SEMA5B: variants seen among roughly 807,000 people sequenced by gnomAD.
The protein encoded by SEMA5B is semaphorin-5B.
In SEMA5B, 66 loss-of-function variants were observed where a neutral mutation model predicts 135.0. The ratio of observed to expected loss-of-function variants is 0.49; its 90% CI spans 0.40 to 0.60. SEMA5B has a LOEUF of 0.60. SEMA5B is among the 20% of genes least tolerant of loss of function. SEMA5B has a pLI of 0.00. For missense variants in SEMA5B, 1,501 were observed against 1,566.3 expected (o/e 0.96, Z 0.70); for synonymous variants, 690 against 639.5 (o/e 1.08, Z -1.19).
At chr3:123,009,793 C>T (rs1004852042) in intron 1 of SEMA5B, among the ~76,000 whole-genome samples, 2 of 152,194 alleles carry the variant, frequency 1.3e-5, no homozygotes, top group African/African-American at 4.8e-5. Flanking sequence ...GAGGGGAAAA[C>T]TGGGATGTCT....
At chr3:122,976,800 A>C (rs1317605225) in intron 1 of SEMA5B, among the ~76,000 whole-genome samples, 1 of 152,210 alleles carries the variant, frequency 6.6e-6, no homozygotes, top group Non-Finnish European at 1.5e-5. Flanking sequence ...CTGTAATTCC[A>C]GCACTTTGGA....
At chr3:122,972,110 A>G (rs1367211128) in intron 1 of SEMA5B, among the ~76,000 whole-genome samples, 1 of 152,190 alleles carries the variant, frequency 6.6e-6, no homozygotes, top group African/African-American at 2.4e-5. Flanking sequence ...TCCAGGTAGG[A>G]AGCTCTGCCA....
At chr3:122,911,161 C>T (rs1937678139) in intron 21 of SEMA5B, 116 bp from the exon 22 acceptor site, 2 of 1,057,990 alleles carry the variant, frequency 1.9e-6, no homozygotes, top group Admixed American at 5.3e-5. Context: ...CTGGAAAGGG[C>T]TCTGAGGCCA....
At chr3:123,020,851 G>A (rs1035826524) in intron 1 of SEMA5B, among the ~76,000 whole-genome samples, 1 of 152,214 alleles carries the variant, frequency 6.6e-6, no homozygotes, top group African/African-American at 2.4e-5. Context: ...GTATACAGAG[G>A]TAGACTTGAG....
intron 12 of SEMA5B, among the ~76,000 whole-genome samples, chr3:122,917,698 G>C (rs554993497): frequency 1.3e-5 from 2 of 152,268 alleles, no homozygotes; most frequent in African/African-American, 4.8e-5. Context: ...ATGGGAGCCC[G>C]GTGAGCACAC....
At chr3:123,027,821 A>G, upstream of SEMA5B, 1 of 152,424 alleles carries the variant, frequency 6.6e-6, no homozygotes, top group Non-Finnish European at 1.5e-5. Flanking sequence ...TTGCAAGCAA[A>G]GGGAGAGAAG....
chr3:123,008,480 G>C (rs990107143), intron 1 of SEMA5B, among the ~76,000 whole-genome samples: 1 of 152,296 alleles, frequency 6.6e-6, no homozygotes, highest in Admixed American at 6.5e-5. Context: ...TCGTGCATCA[G>C]GTATGGCTGG....
intron 1 of SEMA5B, among the ~76,000 whole-genome samples, chr3:123,023,770 G>A (rs1942742382): frequency 6.6e-6 from 1 of 152,210 alleles, no homozygotes. Context: ...TGATAATTGT[G>A]TACCCTTAGT....
intron 1 of SEMA5B, among the ~76,000 whole-genome samples, chr3:122,987,174 GGA>G (rs141114048): frequency 4.0e-5 from 6 of 150,510 alleles, no homozygotes; most frequent in Admixed American, 6.6e-5. Flanking sequence ...GGAAGGCAGG[GGA>G]GAGAGAGAGA....
chr3:122,965,894 G>A (rs896749880), intron 1 of SEMA5B, among the ~76,000 whole-genome samples: 1 of 152,200 alleles, frequency 6.6e-6, no homozygotes, highest in Admixed American at 6.5e-5. Flanking sequence ...TACATGAGAT[G>A]GGAGCTCTGA....
chr3:122,966,938 G>C lies in SEMA5B; in HGVS notation c.-38-5637C>G, dbSNP rs552473917. On this transcript the variant is annotated intron_variant, in intron 1 of 22. Coordinates refer to ENST00000357599, the MANE Select transcript of SEMA5B (RefSeq NM_001031702.4). ...TCACTCTTGTGGCCCAGGCTGGAAT[G>C]CAATGGTGCTATCTTGGCTCAACAC... is the stretch of plus-strand genomic sequence containing the variant. 1.3e-3 allele frequency among the ~76,000 whole-genome samples: 198 copies of C among 149,530 alleles called. 1 individual carries two copies. The highest frequency in any genetic ancestry group is 4.6e-3 in the African/African-American group (186 of 40,528).
intron 4 of SEMA5B, 45 bp from the exon 5 acceptor site, chr3:122,939,515 G>T: frequency 1.3e-6 from 2 of 1,522,616 alleles, no homozygotes; most frequent in Non-Finnish European, 1.8e-6. Flanking sequence ...TGGTTCTGCA[G>T]GCAGGACCCA....
intron 1 of SEMA5B, among the ~76,000 whole-genome samples, chr3:123,018,523 T>C (rs1942609939): frequency 6.6e-6 from 1 of 152,168 alleles, no homozygotes; most frequent in African/African-American, 2.4e-5. Flanking sequence ...CTCAAATCCA[T>C]ATTCATAAAT....
At chr3:122,998,199 A>C (rs900763296) in intron 1 of SEMA5B, among the ~76,000 whole-genome samples, 3 of 152,120 alleles carry the variant, frequency 2.0e-5, no homozygotes, top group African/African-American at 7.2e-5. Flanking sequence ...CACAAAGCCA[A>C]GGCCCAGGGA....
chr3:122,948,573 G>A lies in SEMA5B; in HGVS notation c.261C>T (p.Val87=). 6.2e-7 allele frequency: 1 copy of A among 1,613,886 alleles called. No homozygotes were observed. Among genetic ancestry groups the A allele is most frequent in the Non-Finnish European group, 8.5e-7 (1 of 1,179,844 alleles). ...LVSHLSSSQD[V]SSEPSSEQQL... is the part of the protein sequence containing the mutation. ...GCTGCTCACTGCTGGGCTCACTGGAGACATCCTGGGAGCTGGAGAGGTGGG... is the reference window on the plus strand; with the variant it reads ...GCTGCTCACTGCTGGGCTCACTGGAAACATCCTGGGAGCTGGAGAGGTGGG... Residue 87 remains valine (V), a synonymous_variant, in exon 3 of 23, where the codon GTC becomes GTT. Coordinates refer to ENST00000357599, the MANE Select transcript of SEMA5B (RefSeq NM_001031702.4).
intron 1 of SEMA5B, among the ~76,000 whole-genome samples, chr3:123,021,437 G>A (rs943992262): frequency 1.3e-5 from 2 of 152,348 alleles, no homozygotes; most frequent in East Asian, 3.9e-4. Context: ...ACTCACTACA[G>A]ATATAGAGTT....
intron 4 of SEMA5B, 21 bp downstream of exon 4, chr3:122,943,415 G>T (rs201658309): frequency 1.9e-6 from 3 of 1,540,688 alleles, no homozygotes; most frequent in South Asian, 1.2e-5. Flanking sequence ...TTCCCACCCC[G>T]ACCCTTCTGC....
intron 2 of SEMA5B, among the ~76,000 whole-genome samples, chr3:122,956,073 C>T (rs1237783980): frequency 6.6e-6 from 1 of 152,246 alleles, no homozygotes; most frequent in African/African-American, 2.4e-5. Context: ...CACAGATGGC[C>T]AGTGCCTTGC....
In SEMA5B at chr3:122,946,028, T is replaced by C. The variant is rs549271975; in HGVS notation, c.328+2478A>G. ...AGGCCAAGGGGACCAGAGGGAAGGC[T>C]GTCTTTAAAACACCAAGCACGTTCC... On this transcript the variant is annotated intron_variant, in intron 3 of 22. Coordinates refer to ENST00000357599, the MANE Select transcript of SEMA5B (RefSeq NM_001031702.4). 4.6e-5 allele frequency among the ~76,000 whole-genome samples: 7 copies of C among 152,314 alleles called. No individual in the cohort carries two copies. In the East Asian group the frequency reaches 1.4e-3, roughly 29 times the overall value.
Sources: allele counts gnomAD v4.1 joint callset (sites outside exome capture counted in the v4.1 genomes callset), GRCh38; gene constraint gnomAD v4.1.1; transcripts MANE v1.5; gene names NCBI Gene and HGNC (gene_info 2026-07-23, HGNC 2026-07-21).